The following USH2A variants were observed in gnomAD, a reference collection of about 807,000 sequenced individuals.
The protein encoded by USH2A is usherin, also known as Usher syndrome 2A (autosomal recessive, mild).
In USH2A, 443 loss-of-function variants were observed where a neutral mutation model predicts 538.9. The ratio of observed to expected loss-of-function variants is 0.82; its 90% confidence interval spans 0.76 to 0.89. The LOEUF is 0.89. Among genes scored for constraint, USH2A ranks in the 40% least tolerant of loss-of-function variants. The probability of loss-of-function intolerance (pLI) is 0.00; values close to 1 mark genes in which losing one functional copy is unlikely to be tolerated. For missense variants in USH2A, 6,633 were observed against 6,324.8 expected (o/e 1.05, Z -1.65); for synonymous variants, 2,413 against 2,273.5 (o/e 1.06, Z -1.75).
intron 30 of USH2A, among the ~76,000 whole-genome samples, chr1:216,056,279 C>G (rs903762503): frequency 6.6e-6 from 1 of 152,100 alleles, no homozygotes; most frequent in Admixed American, 6.5e-5. Context: ...AAACACTGGA[C>G]CTGACTAAGC....
intron 14 of USH2A, among the ~76,000 whole-genome samples, chr1:216,219,809 C>G (rs1465276868): frequency 2.0e-5 from 3 of 152,064 alleles, no homozygotes; most frequent in African/African-American, 7.2e-5. Flanking sequence ...AGTAATCTGT[C>G]AAGATTTATA....
At chr1:216,072,182 C>T (rs1416356343) in intron 29 of USH2A, among the ~76,000 whole-genome samples, 4 of 152,118 alleles carry the variant, frequency 2.6e-5, no homozygotes, top group African/African-American at 9.7e-5. Context: ...AAATATTTGA[C>T]CCAAAATAGT....
intron 14 of USH2A, among the ~76,000 whole-genome samples, chr1:216,220,023 T>C (rs1291623134): frequency 2.6e-5 from 4 of 152,138 alleles, no homozygotes; most frequent in Non-Finnish European, 5.9e-5. Context: ...TTCTTAGGAA[T>C]TTCTTCCAGT....
intron 30 of USH2A, among the ~76,000 whole-genome samples, chr1:216,050,566 T>TTCTCTCTC (rs1466107779): frequency 1.3e-3 from 47 of 37,316 alleles, no homozygotes; most frequent in African/African-American, 4.0e-3. Context: ...ATCTTTTTCT[T>TTCTCTCTC]TCTTTCTTTC....
chr1:215,689,753 C>T (rs560112610), intron 61 of USH2A, among the ~76,000 whole-genome samples: 58 of 152,210 alleles, frequency 3.8e-4, no homozygotes, highest in Non-Finnish European at 6.6e-4. Flanking sequence ...CATTCCCACA[C>T]AAGAGAAATG....
chr1:215,999,119 T>C, intron 33 of USH2A, 61 bp from the exon 34 acceptor site: 1 of 1,393,232 alleles, frequency 7.2e-7, no homozygotes, highest in East Asian at 2.3e-5. Flanking sequence ...TATACAGGAT[T>C]TTCAAAGGAC....
At chr1:215,646,535 G>GT (rs1008335354) in intron 67 of USH2A, among the ~76,000 whole-genome samples, 25 of 150,138 alleles carry the variant, frequency 1.7e-4, no homozygotes, top group African/African-American at 4.4e-4. Context: ...TACATTTTTT[G>GT]TTTTTTTTTG....
At chr1:215,956,679 C>T (rs961806532) in intron 37 of USH2A, among the ~76,000 whole-genome samples, 12 of 152,110 alleles carry the variant, frequency 7.9e-5, no homozygotes, top group African/African-American at 2.7e-4. Flanking sequence ...ATCATTACAT[C>T]GCCGCCTCAA....
At chr1:216,399,270 A>G (rs1172663085) in intron 3 of USH2A, among the ~76,000 whole-genome samples, 1 of 152,058 alleles carries the variant, frequency 6.6e-6, no homozygotes, top group East Asian at 1.9e-4. Context: ...GGGACCAAGG[A>G]GGGAATGAAC....
intron 11 of USH2A, among the ~76,000 whole-genome samples, chr1:216,260,716 T>A (rs2036354596): frequency 6.6e-6 from 1 of 152,162 alleles, no homozygotes; most frequent in African/African-American, 2.4e-5. Flanking sequence ...ACATCAGTCT[T>A]ATTGTCAAGA....
intron 4 of USH2A, among the ~76,000 whole-genome samples, chr1:216,345,961 C>T (rs2038168446): frequency 6.6e-6 from 1 of 152,084 alleles, no homozygotes; most frequent in Admixed American, 6.6e-5. Context: ...ATGGAAACTG[C>T]CCAGTGAGTA....
intron 11 of USH2A, among the ~76,000 whole-genome samples, chr1:216,285,938 G>A (rs532299281): frequency 1.6e-4 from 24 of 152,282 alleles, no homozygotes; most frequent in East Asian, 7.7e-4. Flanking sequence ...TGCCTGTACC[G>A]CTATTGTATC....
At chr1:216,392,797 G>T (rs998496036) in intron 3 of USH2A, among the ~76,000 whole-genome samples, 7 of 151,930 alleles carry the variant, frequency 4.6e-5, no homozygotes, top group Non-Finnish European at 8.8e-5. Flanking sequence ...GAATTGGTTG[G>T]GTCTGTCTTT....
At chr1:215,755,273 T>A (rs755557654) in intron 58 of USH2A, among the ~76,000 whole-genome samples, 4 of 152,212 alleles carry the variant, frequency 2.6e-5, no homozygotes, top group Non-Finnish European at 4.4e-5. Flanking sequence ...GTTTGGGAAC[T>A]GCAGGCATGG....
chr1:216,011,757 G>A (rs986024903), intron 32 of USH2A, among the ~76,000 whole-genome samples: 17 of 151,822 alleles, frequency 1.1e-4, no homozygotes, highest in Non-Finnish European at 2.1e-4. Context: ...CATACCTGAC[G>A]CATATACTTT....
chr1:215,673,796 G>A (rs150423993), intron 63 of USH2A, among the ~76,000 whole-genome samples: 1 of 152,112 alleles, frequency 6.6e-6, no homozygotes, highest in African/African-American at 2.4e-5. Context: ...AGGGGCCTGC[G>A]TATTTCCAGG....
intron 10 of USH2A, among the ~76,000 whole-genome samples, chr1:216,291,479 A>G (rs1435230995): frequency 6.6e-6 from 1 of 152,112 alleles, no homozygotes; most frequent in Non-Finnish European, 1.5e-5. Flanking sequence ...ATTCATCTTC[A>G]TGTCCCCAGC....
intron 55 of USH2A, among the ~76,000 whole-genome samples, 181 bp downstream of exon 55, chr1:215,779,662 G>A (rs901233894): frequency 2.6e-5 from 4 of 152,186 alleles, no homozygotes; most frequent in East Asian, 1.9e-4. Flanking sequence ...CTGTTGTGGC[G>A]TATTGCTGCC....
At position 216,325,344 on chromosome 1, in the gene USH2A, T is replaced by A; in HGVS notation, c.1104A>T (p.Gly368=). ...VFTNITQLNQ[G]VTISVDLENG... is the part of the protein sequence containing the mutation. ...TTTCCAAATCAACTGAAATAGTCAC[T>A]CCTTGATTAAGCTGTGTAATGTTTG... Residue 368 remains glycine (G), a synonymous_variant, in exon 6 of 72, where the codon GGA becomes GGT. Coordinates refer to ENST00000307340, the MANE Select transcript of USH2A (RefSeq NM_206933.4). 6.2e-7 allele frequency: 1 copy of A among 1,613,874 alleles called. No homozygotes were observed. Among genetic ancestry groups the A allele is most frequent in the South Asian group, 1.1e-5 (1 of 91,074 alleles).
Sources: gnomAD v4.1 joint callset for allele counts (sites outside exome capture counted in the v4.1 genomes callset) on GRCh38, gnomAD v4.1.1 for gene constraint, MANE v1.5 for transcripts, NCBI Gene and HGNC (gene_info 2026-07-23, HGNC 2026-07-21) for gene names.